The following MRPL4 variants were observed in gnomAD, a reference collection of about 807,000 sequenced individuals.
MRPL4 encodes the protein mitochondrial ribosomal protein L4, also known as large ribosomal subunit protein uL4m.
A neutral mutation model predicts 34.1 loss-of-function variants in MRPL4; 34 were observed. That is an observed-to-expected ratio of 1.00 (90% confidence interval 0.76 to 1.33). The LOEUF is 1.33. Among genes scored for constraint, MRPL4 ranks in the 40% most tolerant of loss-of-function variants. The pLI is 0.00. For synonymous variants in MRPL4, 196 were observed against 188.3 expected (o/e 1.04, Z -0.33); for missense variants, 402 against 434.6 (o/e 0.92, Z 0.67).
chr19:10,256,362 C>T (rs534663912), intron 4 of MRPL4, among the ~76,000 whole-genome samples: 5 of 151,996 alleles, frequency 3.3e-5, no homozygotes, highest in Non-Finnish European at 7.4e-5. Context: ...AGGAGAATCG[C>T]TTGAATCTAG....
rs2039800538 is a variant in MRPL4, at chr19:10,252,397, G to T, written c.58G>T (p.Gly20Cys). 1 of 1,614,072 alleles carries T rather than the reference G, an allele frequency of 6.2e-7. No homozygotes were observed. The change falls in exon 2 of 9, where the codon GGC becomes TGC. Residue 20 changes from glycine (G) to cysteine (C), a missense_variant and splice_region_variant. By Grantham distance (159) the Gly-to-Cys change is radical. Coordinates refer to ENST00000253099, the MANE Select transcript of MRPL4 (RefSeq NM_015956.3). ...TCTCACTTTCGCCCAACCCTTGCAG[G>T]GCCTGAGTTCCCTGGCGGAAGAGGC... Reference protein sequence around the residue: ...RAWLRPTGSQGLSSLAEEAAR... With the variant: ...RAWLRPTGSQCLSSLAEEAAR...
chr19:10,254,558 T>G, intron 3 of MRPL4, 31 bp from the exon 4 acceptor site: 1 of 1,612,488 alleles, frequency 6.2e-7, no homozygotes, highest in Non-Finnish European at 8.5e-7. Flanking sequence ...GAAGCAGAGT[T>G]GGGCTTCTCA....
chr19:10,256,946 C>G (rs1217869918), intron 5 of MRPL4, 121 bp downstream of exon 5: 1 of 766,340 alleles, frequency 1.3e-6, no homozygotes, highest in East Asian at 3.3e-5. Context: ...TTCCCTCCAC[C>G]TCATGGAACC....
chr19:10,258,261 A>G lies in MRPL4; in HGVS notation c.485A>G (p.Tyr162Cys). Residue 162 changes from tyrosine to cysteine, a missense_variant, in exon 6 of 9, where the codon TAC becomes TGC. Physicochemically the swap from Tyr to Cys is radical, Grantham distance 194 (BLOSUM62 -2). Coordinates refer to ENST00000253099, the MANE Select transcript of MRPL4 (RefSeq NM_015956.3). ...GGCCCCCGGGGCCCCACAAGTTACTACTACATGCTGCCCATGAAGGTGCGG... is the reference window on the plus strand; with the variant it reads ...GGCCCCCGGGGCCCCACAAGTTACTGCTACATGCTGCCCATGAAGGTGCGG... ...AHGPRGPTSY[Y>C]YMLPMKVRAL... is the part of the protein sequence containing the mutation. 1 of 1,613,912 alleles carries G rather than the reference A, an allele frequency of 6.2e-7. No homozygotes were observed.
chr19:10,259,179 A>T (rs914842123), intron 8 of MRPL4: 9 of 1,286,514 alleles, frequency 7.0e-6, no homozygotes, highest in Non-Finnish European at 8.8e-6. Context: ...CAGCCACAAG[A>T]TGGCGACATG....
intron 5 of MRPL4, among the ~76,000 whole-genome samples, chr19:10,257,983 G>T (rs1453895264): frequency 1.3e-5 from 2 of 152,022 alleles, no homozygotes; most frequent in Non-Finnish European, 2.9e-5. Flanking sequence ...AAATGCTGGT[G>T]TGAGCCACCT....
At chr19:10,257,925 C>A (rs944519265) in intron 5 of MRPL4, among the ~76,000 whole-genome samples, 13 of 152,018 alleles carry the variant, frequency 8.6e-5, no homozygotes, top group African/African-American at 3.1e-4. Flanking sequence ...TAGCTCACTG[C>A]AGCCTTGAGC....
intron 5 of MRPL4, 34 bp downstream of exon 5, chr19:10,256,859 T>TGGGGGGGGGGGAGGGGGG: frequency 1.4e-5 from 1 of 72,686 alleles, no homozygotes; most frequent in South Asian, 2.6e-4. Context: ...CGGGGAGGGG[T>TGGGGGGGGGGGAGGGGGG]GGGGGGGCCA....
chr19:10,259,854 A>T lies in MRPL4; in HGVS notation c.*41A>T. 6.4e-7 allele frequency: 1 copy of T among 1,551,694 alleles called. No individual in the cohort carries two copies. Among genetic ancestry groups the T allele is most frequent in the Non-Finnish European group, 8.8e-7 (1 of 1,137,052 alleles). The stretch of plus-strand genomic sequence containing the variant: ...CTGAGCCAGGCCGAGCCCCTGGCCG[A>T]CTTGGGAGCCTCAGGCCCACGCCCA... On this transcript the variant is annotated 3_prime_UTR_variant, in exon 9 of 9. Transcript: ENST00000253099.
At chr19:10,259,105 A>C in intron 8 of MRPL4, 1 of 1,186,378 alleles carries the variant, frequency 8.4e-7, no homozygotes, top group Non-Finnish European at 1.0e-6. Flanking sequence ...TCTCAAAAAA[A>C]AAAAAAAAAA....
In MRPL4 at chr19:10,256,826, GTAACA is replaced by G; in HGVS notation, c.445+2_445+6del. On this transcript the variant is annotated splice_donor_variant and splice_donor_5th_base_variant and intron_variant, in intron 5 of 8. Transcript: ENST00000253099. LOFTEE classifies it high-confidence loss of function. The stretch of plus-strand genomic sequence containing the variant: ...ATCCGCTCTCCGCTCTGGCGAGGAG[GTAACA>G]GGACAGGGTGGAGGGGGCGGGGAGG... 3.2e-6 allele frequency: 2 copies of G among 620,802 alleles called. No individual in the cohort carries two copies. The highest frequency in any genetic ancestry group is 4.8e-6 in the Non-Finnish European group (2 of 418,416). The allele number at this position is 620,802 out of a possible 1,614,324, so 38.5% of individuals were successfully genotyped here. A position where few individuals can be genotyped will look rare whatever the true frequency, so the allele number is the denominator to read the frequency against.
intron 8 of MRPL4, chr19:10,258,922 G>C: frequency 7.0e-7 from 1 of 1,436,732 alleles, no homozygotes. Flanking sequence ...GGGCAATATA[G>C]TGAGGCTCCC....
rs200330588 is a variant in MRPL4, at chr19:10,259,804, C to G, written c.927C>G (p.Tyr309Ter). The change falls in exon 9 of 9, where the codon TAC (tyrosine) becomes TAG (stop). Residue 309 changes from tyrosine (Y) to a stop codon, truncating the protein, a stop_gained. Coordinates refer to ENST00000253099, the MANE Select transcript of MRPL4 (RefSeq NM_015956.3). LOFTEE classifies it high-confidence loss of function. Reference sequence around the variant, plus strand: ...CCCAGGGCCCAGCGGCCACCCCGTACCACTGTTGATGTGAAGCACCTCTTC... The same window carrying G: ...CCCAGGGCCCAGCGGCCACCCCGTAGCACTGTTGATGTGAAGCACCTCTTC... ...HATQGPAATP[Y>*]HC is the part of the protein sequence containing the mutation. The G allele has an allele frequency of 3.7e-5, 59 of 1,609,646 alleles. No individual in the cohort carries two copies. In the African/African-American group the frequency reaches 7.1e-4, roughly 19 times the overall value.
intron 8 of MRPL4, chr19:10,259,102 A>C: frequency 9.6e-7 from 1 of 1,039,264 alleles, no homozygotes; most frequent in Non-Finnish European, 1.2e-6. Context: ...TTGTCTCAAA[A>C]AAAAAAAAAA....
In MRPL4 at chr19:10,254,585, G is replaced by A. The variant is rs375083460; in HGVS notation, c.276-4G>A. ...GGCTTCTCATGTGTCCTTCCTCCCCGCAGGCTGGACATACTGCACCAGGTT... is the reference window on the plus strand; with the variant it reads ...GGCTTCTCATGTGTCCTTCCTCCCCACAGGCTGGACATACTGCACCAGGTT... On this transcript the variant is annotated splice_region_variant and splice_polypyrimidine_tract_variant and intron_variant, in intron 3 of 8. Coordinates refer to ENST00000253099, the MANE Select transcript of MRPL4 (RefSeq NM_015956.3). 7.4e-5 allele frequency: 120 copies of A among 1,612,964 alleles called. No homozygotes were observed. The highest frequency in any genetic ancestry group is 9.0e-5 in the Non-Finnish European group (106 of 1,179,332).
chr19:10,258,968 T>C (rs2039880091), intron 8 of MRPL4: 13 of 1,413,164 alleles, frequency 9.2e-6, no homozygotes, highest in African/African-American at 2.9e-5. Flanking sequence ...GGCGTGGCGA[T>C]GTGCACCTGT....
intron 3 of MRPL4, among the ~76,000 whole-genome samples, chr19:10,254,212 CTT>C (rs1215206552): frequency 1.3e-5 from 2 of 152,126 alleles, no homozygotes; most frequent in Non-Finnish European, 2.9e-5. Context: ...AGAGACATCA[CTT>C]TGCCATGTTG....
At chr19:10,256,250 C>T (rs1187385197) in intron 4 of MRPL4, among the ~76,000 whole-genome samples, 3 of 151,862 alleles carry the variant, frequency 2.0e-5, no homozygotes, top group African/African-American at 7.3e-5. Flanking sequence ...CGCGCCACTG[C>T]ACTCCAGCGT....
In MRPL4 at chr19:10,258,313, C is replaced by G; in HGVS notation, c.537C>G (p.Thr179=). ...VRALGLKVAL[T]VKLAQDDLHI... is the part of the protein sequence containing the mutation. ...CGCTGGGTCTCAAAGTGGCACTGAC[C>G]GTCAAGCTGGCCCAGGTACAGCCAT... Residue 179 remains threonine, a synonymous_variant, in exon 6 of 9, where the codon ACC becomes ACG. Coordinates refer to ENST00000253099, the MANE Select transcript of MRPL4 (RefSeq NM_015956.3). 3 of 1,614,090 alleles carry G rather than the reference C, an allele frequency of 1.9e-6. No homozygotes were observed. The highest frequency in any genetic ancestry group is 2.5e-6 in the Non-Finnish European group (3 of 1,180,026).
Sources: allele counts gnomAD v4.1 joint callset (sites outside exome capture counted in the v4.1 genomes callset), GRCh38; gene constraint gnomAD v4.1.1; transcripts MANE v1.5; gene names NCBI Gene and HGNC (gene_info 2026-07-23, HGNC 2026-07-21).